Variants in SOX6 observed in about 807,000 individuals in gnomAD.
SOX6 encodes SRY-box transcription factor 6, also known as transcription factor SOX-6.
Under a neutral mutation model 97.8 loss-of-function variants are expected in SOX6, and 11 were observed. That is an observed-to-expected ratio of 0.11 (90% CI 0.07 to 0.19). The LOEUF (loss-of-function observed/expected upper bound fraction) is 0.19, where lower values mean the gene tolerates loss of function less well. Among genes scored for constraint, SOX6 ranks in the 10% least tolerant of loss-of-function variants. The pLI is 1.00. For synonymous variants in SOX6, 360 were observed against 371.4 expected (o/e 0.97, Z 0.35); for missense variants, 810 against 1,039.5 (o/e 0.78, Z 3.04).
intron 3 of SOX6, among the ~76,000 whole-genome samples, chr11:16,684,695 C>T (rs1056381822): frequency 4.0e-5 from 6 of 151,472 alleles, no homozygotes; most frequent in South Asian, 2.1e-4. Flanking sequence ...CAAACCTGCA[C>T]GTTCTGCACA....
At chr11:16,723,707 C>A (rs970192557) in intron 2 of SOX6, among the ~76,000 whole-genome samples, 3 of 152,058 alleles carry the variant, frequency 2.0e-5, no homozygotes, top group Middle Eastern at 3.4e-3. Context: ...CTACTTGAAC[C>A]TGGGAGGCAG....
At chr11:16,314,822 A>G (rs995936376) in intron 3 of SOX6, 27 of 152,204 alleles carry the variant, frequency 1.8e-4, no homozygotes, top group African/African-American at 6.3e-4. Context: ...TACGCTTATC[A>G]CTATTTCAAA....
chr11:15,986,553 T>C (rs1422286967), intron 14 of SOX6, 133 bp from the exon 15 acceptor site: 1 of 773,122 alleles, frequency 1.3e-6, no homozygotes, highest in East Asian at 2.7e-5. Flanking sequence ...TACCACTGGC[T>C]GTCCCAACTA....
chr11:16,231,995 C>T (rs1485217136), intron 4 of SOX6, among the ~76,000 whole-genome samples: 6 of 151,496 alleles, frequency 4.0e-5, no homozygotes, highest in Non-Finnish European at 7.4e-5. Context: ...ATTTCACTAC[C>T]TTTTTGTTTT....
chr11:16,147,694 T>G (rs888380021), intron 6 of SOX6, among the ~76,000 whole-genome samples: 5 of 152,164 alleles, frequency 3.3e-5, no homozygotes, highest in African/African-American at 1.2e-4. Flanking sequence ...ATTTCCTTTT[T>G]ATTGTACTTC....
chr11:16,223,745 C>A (rs1430764948), intron 4 of SOX6, among the ~76,000 whole-genome samples: 2 of 152,094 alleles, frequency 1.3e-5, no homozygotes, highest in Non-Finnish European at 2.9e-5. Context: ...TGCTAGCCAC[C>A]ATTTCCTGGT....
At chr11:16,318,705 C>T (rs766231567) in intron 2 of SOX6, 52 bp from the exon 3 acceptor site, 2 of 1,536,096 alleles carry the variant, frequency 1.3e-6, no homozygotes, top group African/African-American at 1.4e-5. Context: ...TCTTTGCATG[C>T]TACTGGAGAA....
intron 12 of SOX6, among the ~76,000 whole-genome samples, chr11:16,031,985 A>C (rs1291022622): frequency 2.6e-5 from 4 of 152,170 alleles, no homozygotes; most frequent in Non-Finnish European, 5.9e-5. Context: ...GGGCCTTGTA[A>C]GAGGCAACCC....
At chr11:16,016,835 A>C (rs573787618) in intron 12 of SOX6, among the ~76,000 whole-genome samples, 49 of 152,184 alleles carry the variant, frequency 3.2e-4, no homozygotes, top group Non-Finnish European at 4.7e-4. Flanking sequence ...AGGAGTTTTG[A>C]TGTGACACCT....
intron 7 of SOX6, among the ~76,000 whole-genome samples, chr11:16,104,081 A>G (rs1024527195): frequency 2.0e-5 from 3 of 152,012 alleles, no homozygotes; most frequent in African/African-American, 4.8e-5. Flanking sequence ...ACAGAGGAGA[A>G]CACAGTTAAG....
intron 3 of SOX6, among the ~76,000 whole-genome samples, chr11:16,657,370 C>T (rs970223095): frequency 6.6e-6 from 1 of 152,180 alleles, no homozygotes; most frequent in African/African-American, 2.4e-5. Context: ...ATCTTGATTT[C>T]TTCCAAGTTT....
chr11:16,283,288 G>A (rs1431781483), intron 3 of SOX6, among the ~76,000 whole-genome samples: 1 of 149,636 alleles, frequency 6.7e-6, no homozygotes, highest in South Asian at 2.1e-4. Context: ...TCATAAACAA[G>A]AAAATTTGAC....
chr11:16,092,506 T>A (rs1848714219), intron 9 of SOX6, among the ~76,000 whole-genome samples: 1 of 151,962 alleles, frequency 6.6e-6, no homozygotes, highest in Non-Finnish European at 1.5e-5. Context: ...AAGGCTCATA[T>A]ATTTCACAAT....
intron 3 of SOX6, among the ~76,000 whole-genome samples, chr11:16,634,189 G>A (rs1848750637): frequency 1.3e-5 from 2 of 151,544 alleles, no homozygotes; most frequent in Admixed American, 6.6e-5. Context: ...AATACAAAAG[G>A]AAAAAAGAGA....
intron 3 of SOX6, among the ~76,000 whole-genome samples, chr11:16,287,196 T>G (rs780890480): frequency 6.6e-6 from 1 of 151,924 alleles, no homozygotes. Context: ...GGCAAAGAGA[T>G]GCTATATTGT....
intron 3 of SOX6, among the ~76,000 whole-genome samples, chr11:16,704,837 A>C (rs1386896722): frequency 1.3e-5 from 2 of 152,262 alleles, no homozygotes; most frequent in Non-Finnish European, 2.9e-5. Context: ...ATTATAGGAA[A>C]TGTTTTGAAA....
intron 3 of SOX6, among the ~76,000 whole-genome samples, chr11:16,666,261 G>A (rs1847806345): frequency 6.6e-6 from 1 of 152,188 alleles, no homozygotes; most frequent in Non-Finnish European, 1.5e-5. Flanking sequence ...AGAAAGATAT[G>A]TGACCCTTCA....
At chr11:16,363,055 C>A (rs537844224) in intron 1 of SOX6, among the ~76,000 whole-genome samples, 1 of 152,138 alleles carries the variant, frequency 6.6e-6, no homozygotes, top group African/African-American at 2.4e-5. Context: ...ACTGTTCTAG[C>A]TTCTGAGGAT....
chr11:16,689,898 G>A (rs1403249561), intron 3 of SOX6, among the ~76,000 whole-genome samples: 1 of 148,932 alleles, frequency 6.7e-6, no homozygotes, highest in Non-Finnish European at 1.5e-5. Context: ...TGTCACCAAG[G>A]TTATAATCAA....
Sources: allele counts gnomAD v4.1 joint callset (sites outside exome capture counted in the v4.1 genomes callset), GRCh38; gene constraint gnomAD v4.1.1; transcripts MANE v1.5; gene names NCBI Gene and HGNC (gene_info 2026-07-23, HGNC 2026-07-21).